SETD2: variants seen among roughly 807,000 people sequenced by gnomAD.
SETD2 encodes histone-lysine N-methyltransferase SETD2.
A neutral mutation model predicts 242.1 loss-of-function variants in SETD2; 31 were observed. That is an observed-to-expected ratio of 0.13 (90% CI 0.10 to 0.17). The LOEUF is 0.17. Ranked by LOEUF, SETD2 falls within the 10% of genes least tolerant of loss-of-function variation. The pLI is 1.00. For missense variants in SETD2, 2,481 were observed against 3,046.3 expected (o/e 0.81, Z 4.37); for synonymous variants, 1,006 against 1,066.5 (o/e 0.94, Z 1.11).
rs2107742945 is a variant in SETD2 at position 47,120,558 on chromosome 3, G to T, written c.4078C>A (p.Leu1360Ile). ...TGCACTGACCCCTTGTCTTTCTGAAGGGATAGAAGAAATTTATCGGACTGG... is the reference window on the plus strand; with the variant it reads ...TGCACTGACCCCTTGTCTTTCTGAATGGATAGAAGAAATTTATCGGACTGG... The part of the protein sequence containing the change: ...SDQSDKFLLS[L>I]QKDKGSVQAP... The change falls in exon 3 of 21, where the codon CTT (leucine) becomes ATT (isoleucine). Residue 1360 changes from leucine to isoleucine, a missense_variant. Coordinates refer to ENST00000409792, the MANE Select transcript of SETD2 (RefSeq NM_014159.7). 6.2e-7 allele frequency: 1 copy of T among 1,614,122 alleles called. No individual in the cohort carries two copies. Among genetic ancestry groups the T allele is most frequent in the South Asian group, 1.1e-5 (1 of 91,078 alleles).
intron 18 of SETD2, among the ~76,000 whole-genome samples, chr3:47,036,896 C>T (rs941804747): frequency 2.8e-3 from 76 of 27,428 alleles, no homozygotes; most frequent in Non-Finnish European, 4.4e-3. Context: ...AGTGAGACTC[C>T]GTCTCATTTA....
chr3:47,032,746 T>C (rs2107520217), intron 18 of SETD2, among the ~76,000 whole-genome samples: 1 of 152,196 alleles, frequency 6.6e-6, no homozygotes, highest in East Asian at 1.9e-4. Context: ...ACCCTGTCTC[T>C]ACTCCAAATA....
chr3:47,127,534 C>T, intron 1 of SETD2: 1 of 451,792 alleles, frequency 2.2e-6, no homozygotes. Flanking sequence ...TCGAGACCAC[C>T]CTGGGTAACA....
Position 47,122,040 on chromosome 3 carries a change from G to A in SETD2, c.2596C>T (p.His866Tyr), listed in dbSNP as rs1180147063. ...ATAGGTTGATATAAATCATCAAAAT[G>A]ATTAACAGAAGCTGAACTAGTGCTA... ...IGSTSSASVN[H>Y]FDDLYQPIGS... Residue 866 changes from histidine to tyrosine, a missense_variant, in exon 3 of 21, where the codon CAT (histidine) becomes TAT (tyrosine). By Grantham distance (83) the His-to-Tyr change is moderately conservative (BLOSUM62 2). This residue lies in a region of SETD2 where 1,300 missense variants were observed against 1,259.2 expected (regional missense o/e 1.03). Transcript: ENST00000409792. The A allele has an allele frequency of 6.2e-7, 1 of 1,613,586 alleles. No homozygotes were observed. Among genetic ancestry groups the A allele is most frequent in the African/African-American group, 1.3e-5 (1 of 74,930 alleles).
rs2107539092 is a variant in SETD2 at position 47,042,546 on chromosome 3, T to A, written c.7238+15A>T. ...GTAAAAGCAGACATGGGAACGCCCA[T>A]ACAGCTCCTCTTACCTTGTGATCAC... On this transcript the variant is annotated intron_variant, in intron 17 of 20. Coordinates refer to ENST00000409792, the MANE Select transcript of SETD2 (RefSeq NM_014159.7). 1 of 1,613,898 alleles carries A rather than the reference T, an allele frequency of 6.2e-7. No homozygotes were observed.
At chr3:47,096,477 C>T (rs542795399) in intron 9 of SETD2, among the ~76,000 whole-genome samples, 94 of 146,342 alleles carry the variant, frequency 6.4e-4, no homozygotes, top group African/African-American at 2.2e-3. Flanking sequence ...GAGGCCAAGG[C>T]GAGAGGATCA....
chr3:47,047,040 T>C (rs1210839197), intron 15 of SETD2: 1 of 153,556 alleles, frequency 6.5e-6, no homozygotes, highest in African/African-American at 2.4e-5. Context: ...TACCAACTTG[T>C]AATAACAAAC....
At chr3:47,111,155 T>C (rs184767663) in intron 5 of SETD2, among the ~76,000 whole-genome samples, 14 of 144,032 alleles carry the variant, frequency 9.7e-5, no homozygotes, top group South Asian at 2.3e-4. Flanking sequence ...AAAGAAGGCA[T>C]CTTTGAAAAT....
Position 47,123,106 on chromosome 3 carries a change from A to G in SETD2, c.1530T>C (p.Tyr510=), listed in dbSNP as rs2043172739. The change falls in exon 3 of 21, where the codon TAT becomes TAC. Residue 510 remains tyrosine (Y), a synonymous_variant. Transcript: ENST00000409792. ...SYLEMERRGK[Y]SSKLERESKR... The stretch of plus-strand genomic sequence containing the variant: ...TAGATTCTCTTTCTAGTTTTGAAGA[A>G]TACTTGCCTCTTCTTTCCATCTCTA... 2 of 1,613,426 alleles carry G rather than the reference A, an allele frequency of 1.2e-6. No homozygotes were observed. The highest frequency in any genetic ancestry group is 2.2e-5 in the South Asian group (2 of 91,074).
chr3:47,023,644 A>G (rs907525988), intron 18 of SETD2, among the ~76,000 whole-genome samples: 1 of 152,222 alleles, frequency 6.6e-6, no homozygotes, highest in Admixed American at 6.5e-5. Flanking sequence ...TAGGCCAGCC[A>G]TGGATAGAAA....
At chr3:47,021,880 G>C (rs1319934050) in intron 18 of SETD2, among the ~76,000 whole-genome samples, 1 of 152,198 alleles carries the variant, frequency 6.6e-6, no homozygotes, top group Non-Finnish European at 1.5e-5. Context: ...TGGGTGTGGT[G>C]GCTCACGCCT....
chr3:47,112,854 TGCTGGGA>T (rs1432457736), intron 5 of SETD2, among the ~76,000 whole-genome samples: 1 of 152,202 alleles, frequency 6.6e-6, no homozygotes, highest in Non-Finnish European at 1.5e-5. Flanking sequence ...CTTCCCAAAG[TGCTGGGA>T]TTACAAGCAT....
chr3:47,052,244 T>TA (rs1195637178), intron 15 of SETD2, among the ~76,000 whole-genome samples: 2 of 152,234 alleles, frequency 1.3e-5, no homozygotes, highest in East Asian at 3.9e-4. Flanking sequence ...AATCTCGGCT[T>TA]ACTGCAGCCT....
In SETD2 at chr3:47,121,092, C is replaced by G. The variant is rs776708071; in HGVS notation, c.3544G>C (p.Gly1182Arg). 1.2e-6 allele frequency: 2 copies of G among 1,613,870 alleles called. No homozygotes were observed. The highest frequency in any genetic ancestry group is 4.5e-5 in the East Asian group (2 of 44,870). ...ACGGTTTCCTCTGAATTTGGGTGAC[C>G]CAGAGGGTCAGATTTCACATCTGTA... The part of the protein sequence containing the change: ...SHTDVKSDPL[G>R]HPNSEETVKA... Residue 1182 changes from glycine (G) to arginine (R), a missense_variant, in exon 3 of 21, where the codon GGT becomes CGT. Physicochemically the swap from Gly to Arg is moderately radical, Grantham distance 125. Around this residue, in one of 17 missense-constraint regions of SETD2, gnomAD observed 1,300 missense variants for 1,259.2 expected, o/e 1.03. Transcript: ENST00000409792.
Position 47,124,113 on chromosome 3 carries a change from C to T in SETD2, c.523G>A (p.Ala175Thr), listed in dbSNP as rs561734692. The change falls in exon 3 of 21, where the codon GCA (alanine) becomes ACA (threonine). Residue 175 changes from alanine to threonine, a missense_variant. Physicochemically the swap from Ala to Thr is moderately conservative, Grantham distance 58 (BLOSUM62 0). This residue lies in a region of SETD2 where 334 missense variants were observed against 374.5 expected (regional missense o/e 0.89). Coordinates refer to ENST00000409792, the MANE Select transcript of SETD2 (RefSeq NM_014159.7). ...SPPTHAAPLP[A>T]VIAESTTVDS... is the part of the protein sequence containing the mutation. The stretch of plus-strand genomic sequence containing the variant: ...ACAGTTGTTGATTCTGCTATCACTG[C>T]TGGTAATGGTGCTGCATGAGTAGGT... The T allele has an allele frequency of 6.4e-7, 1 of 1,551,948 alleles. No individual in the cohort carries two copies. The highest frequency in any genetic ancestry group is 8.7e-7 in the Non-Finnish European group (1 of 1,147,050).
rs138112669 is a variant in SETD2, at chr3:47,043,068, CCT to C, written c.7099-370_7099-369del. The stretch of plus-strand genomic sequence containing the variant: ...AAAAAAAAGAAAAACCAAAAAACCC[CCT>C]GAGAAGCAAATATGACAGAATGTTA... On this transcript the variant is annotated intron_variant, in intron 16 of 20. Transcript: ENST00000409792. Among the ~76,000 whole-genome samples, 405 of 151,454 alleles carry C rather than the reference CCT, an allele frequency of 2.7e-3. 3 individuals carry two copies. Among genetic ancestry groups the C allele is most frequent in the African/African-American group, 8.3e-3 (344 of 41,368 alleles).
In SETD2 at chr3:47,073,543, G is replaced by C. The variant is rs543892089; in HGVS notation, c.6061-6425C>G. On this transcript the variant is annotated intron_variant, in intron 12 of 20. Transcript: ENST00000409792. ...ACATGGGTGGGAAAGAGGAAGAAAA[G>C]AGTGAGAGGGAGAAGAGGAAAAGGG... Among the ~76,000 whole-genome samples the C allele has an allele frequency of 9.2e-5, 14 of 152,228 alleles. No individual in the cohort carries two copies. In the South Asian group the frequency reaches 2.9e-3, roughly 32 times the overall value.
chr3:47,070,585 A>G (rs76091036), intron 12 of SETD2, among the ~76,000 whole-genome samples: 4,631 of 152,320 alleles, frequency 0.03, 230 homozygotes, highest in East Asian at 0.13. Flanking sequence ...CTTGTGAATA[A>G]TAGTATTAGT....
At chr3:47,162,208 T>G (rs1697508428) in intron 1 of SETD2, among the ~76,000 whole-genome samples, 1 of 152,180 alleles carries the variant, frequency 6.6e-6, no homozygotes, top group Non-Finnish European at 1.5e-5. Flanking sequence ...AGCAGGCACT[T>G]AGCCTATTCA....
Sources: allele counts gnomAD v4.1 joint callset (sites outside exome capture counted in the v4.1 genomes callset), GRCh38; gene constraint gnomAD v4.1.1; regional missense constraint gnomAD v4.1.1; transcripts MANE v1.5; gene names NCBI Gene and HGNC (gene_info 2026-07-23, HGNC 2026-07-21).